DHTKD1: variants seen among roughly 807,000 people sequenced by gnomAD.
DHTKD1 encodes dehydrogenase E1 and transketolase domain containing 1.
Under a neutral mutation model 101.8 loss-of-function variants are expected in DHTKD1, and 78 were observed. That is an observed-to-expected ratio of 0.77 (90% confidence interval 0.64 to 0.93). The LOEUF (loss-of-function observed/expected upper bound fraction) is 0.93. Ranked by LOEUF, DHTKD1 falls within the 40% of genes least tolerant of loss-of-function variation. The pLI is 0.00. For synonymous variants in DHTKD1, 462 were observed against 450.3 expected (o/e 1.03, Z -0.33); for missense variants, 1,223 against 1,161.7 (o/e 1.05, Z -0.77).
At chr10:12,115,585 T>A (rs1226309932) in intron 13 of DHTKD1, among the ~76,000 whole-genome samples, 1 of 152,130 alleles carries the variant, frequency 6.6e-6, no homozygotes, top group Non-Finnish European at 1.5e-5. Context: ...ATTTCAGTAG[T>A]CTTACCAATA....
chr10:12,115,550 T>C (rs577627148), intron 13 of DHTKD1, among the ~76,000 whole-genome samples: 7 of 152,280 alleles, frequency 4.6e-5, no homozygotes, highest in Non-Finnish European at 7.3e-5. Context: ...TGGGAGTCAG[T>C]ATCTAGTCAA....
At chr10:12,077,914 G>A (rs1224706024) in intron 1 of DHTKD1, among the ~76,000 whole-genome samples, 1 of 152,016 alleles carries the variant, frequency 6.6e-6, no homozygotes, top group Non-Finnish European at 1.5e-5. Flanking sequence ...AGGGTTGGTG[G>A]AAGAAGAAAC....
intron 1 of DHTKD1, among the ~76,000 whole-genome samples, chr10:12,074,197 G>GTTTTC (rs1179462787): frequency 1.3e-5 from 2 of 151,928 alleles, no homozygotes; most frequent in African/African-American, 2.4e-5. Flanking sequence ...GTTTTGTTTT[G>GTTTTC]TTTTCTTTGA....
chr10:12,110,283 C>T lies in DHTKD1; in HGVS notation c.2154+2268C>T, dbSNP rs1807812. Among the ~76,000 whole-genome samples, 470 of 152,002 alleles carry T rather than the reference C, an allele frequency of 3.1e-3. 4 individuals carry two copies. The highest frequency in any genetic ancestry group is 0.011 in the African/African-American group (444 of 41,456). ...ATGCACTCCAGCCTGGGTGACAGAG[C>T]GAGACTCTGTCTCCAGAAAAAAGAA... On this transcript the variant is annotated intron_variant, in intron 12 of 16. Transcript: ENST00000263035. The surrounding 1 kb of genome is among the most constrained non-coding windows in gnomAD (Gnocchi z 4.9).
rs769818273 is a variant in DHTKD1, at chr10:12,097,929, G to T, written c.1604G>T (p.Gly535Val). Residue 535 changes from glycine (G) to valine (V), a missense_variant, in exon 8 of 17, where the codon GGC becomes GTC. Coordinates refer to ENST00000263035, the MANE Select transcript of DHTKD1 (RefSeq NM_018706.7). Reference sequence around the variant, plus strand: ...CCCCTCGACCTCCTGCGGTTTGTTGGCATGAAGTCTGTAGAGGTGCCAAGA... The same window carrying T: ...CCCCTCGACCTCCTGCGGTTTGTTGTCATGAAGTCTGTAGAGGTGCCAAGA... ...GVPLDLLRFV[G>V]MKSVEVPREL... 51 of 1,614,214 alleles carry T rather than the reference G, an allele frequency of 3.2e-5. No individual in the cohort carries two copies. In the South Asian group the frequency reaches 4.2e-4, roughly 13 times the overall value.
In DHTKD1 at chr10:12,107,927, T is replaced by C. The variant is rs928284180; in HGVS notation, c.2066T>C (p.Leu689Pro). ...TTTCCAGGAGAGGCCAAGTGGCTCC[T>C]ACAAAGCGGCATCGTCATCCTCCTT... Reference protein sequence around the residue: ...FISGGEAKWLLQSGIVILLPH... With the variant: ...FISGGEAKWLPQSGIVILLPH... The change falls in exon 12 of 17, where the codon CTA becomes CCA. Residue 689 changes from leucine to proline, a missense_variant. By Grantham distance (98) the Leu-to-Pro change is moderately conservative. Coordinates refer to ENST00000263035, the MANE Select transcript of DHTKD1 (RefSeq NM_018706.7). The surrounding 1 kb of genome is among the most constrained non-coding windows in gnomAD (Gnocchi z 4.1). 6.2e-7 allele frequency: 1 copy of C among 1,613,650 alleles called. No individual in the cohort carries two copies. The highest frequency in any genetic ancestry group is 8.5e-7 in the Non-Finnish European group (1 of 1,179,728).
At chr10:12,070,188 G>A (rs978007634) in intron 1 of DHTKD1, among the ~76,000 whole-genome samples, 3 of 152,174 alleles carry the variant, frequency 2.0e-5, no homozygotes, top group African/African-American at 4.8e-5. Context: ...TAACAGTCAT[G>A]AATATCAGCT....
At chr10:12,096,097 T>C (rs1351027240) in intron 7 of DHTKD1, among the ~76,000 whole-genome samples, 1 of 152,196 alleles carries the variant, frequency 6.6e-6, no homozygotes, top group Admixed American at 6.6e-5. Flanking sequence ...AAATTACTCA[T>C]GGCTTGCATT....
At chr10:12,082,370 A>G (rs75955950) in intron 2 of DHTKD1, among the ~76,000 whole-genome samples, 4,126 of 152,226 alleles carry the variant, frequency 0.027, 180 homozygotes, top group African/African-American at 0.093. Flanking sequence ...GGGAACTTAG[A>G]AAAAGTTGGG....
intron 1 of DHTKD1, among the ~76,000 whole-genome samples, chr10:12,079,338 C>T (rs1398466425): frequency 6.6e-6 from 1 of 152,104 alleles, no homozygotes. Context: ...CGGGTTCCTG[C>T]AATGCTGTAG....
chr10:12,100,695 A>G (rs1212528328), intron 9 of DHTKD1, among the ~76,000 whole-genome samples: 1 of 152,082 alleles, frequency 6.6e-6, no homozygotes, highest in Non-Finnish European at 1.5e-5. Context: ...AAAGCATGTT[A>G]ATTTTTCTTT....
chr10:12,100,305 T>A (rs1459397982), intron 9 of DHTKD1, 43 bp downstream of exon 9: 3 of 926,784 alleles, frequency 3.2e-6, no homozygotes, highest in Non-Finnish European at 4.8e-6. Flanking sequence ...TTTTTTTGAG[T>A]CTCACCCTGT....
At chr10:12,097,567 C>T (rs1381638676) in intron 7 of DHTKD1, 117 bp from the exon 8 acceptor site, 2 of 877,424 alleles carry the variant, frequency 2.3e-6, no homozygotes, top group Non-Finnish European at 3.4e-6. Flanking sequence ...AGCCACTGCA[C>T]CTGTCGAATG....
Position 12,087,473 on chromosome 10 carries a change from T to C in DHTKD1, c.523-62T>C. 1 of 1,450,586 alleles carries C rather than the reference T, an allele frequency of 6.9e-7. No homozygotes were observed. Among genetic ancestry groups the C allele is most frequent in the Non-Finnish European group, 9.4e-7 (1 of 1,065,530 alleles). The allele number at this position is 1,450,586 out of a possible 1,614,324, so 89.9% of individuals were successfully genotyped here. ...ATCTCACAACACACACAGACTTATC[T>C]GCCTTCCACTGGAGAAGCTGGCTGT... is the stretch of plus-strand genomic sequence containing the variant. On this transcript the variant is annotated intron_variant, in intron 3 of 16. Transcript: ENST00000263035. The surrounding 1 kb of genome is among the most constrained non-coding windows in gnomAD (Gnocchi z 5.2).
rs180968859 is a variant in DHTKD1, at chr10:12,117,605, G to C, written c.2320-68G>C. Reference sequence around the variant, plus strand: ...ACTTTGGTACTCGTGTTTGATAGCGGCCCTTGTAAGTGACAGCATCACCTC... The same window carrying C: ...ACTTTGGTACTCGTGTTTGATAGCGCCCCTTGTAAGTGACAGCATCACCTC... On this transcript the variant is annotated intron_variant, in intron 13 of 16. Transcript: ENST00000263035. 79 of 908,982 alleles carry C rather than the reference G, an allele frequency of 8.7e-5. No homozygotes were observed. In the African/African-American group the frequency reaches 1.2e-3, roughly 14 times the overall value. The allele number at this position is 908,982 out of a possible 1,614,324, so 56.3% of individuals were successfully genotyped here. A position where few individuals can be genotyped will look rare whatever the true frequency, so the allele number is the denominator to read the frequency against.
At position 12,121,945 on chromosome 10, in the gene DHTKD1, C is replaced by T. The variant is rs1445954438; in HGVS notation, c.*1057C>T. On this transcript the variant is annotated 3_prime_UTR_variant, in exon 17 of 17. Transcript: ENST00000263035. ...GCCTCTTGATTTGTTTGATGCATGT[C>T]ACTTTCATTAATTTTCCCCCTCCTT... is the stretch of plus-strand genomic sequence containing the variant. The T allele has an allele frequency of 2.6e-5, 4 of 152,140 alleles. No homozygotes were observed. The highest frequency in any genetic ancestry group is 2.6e-4 in the Admixed American group (4 of 15,258). The allele number at this position is 152,140 out of a possible 1,614,324, so 9.4% of individuals were successfully genotyped here. A position where few individuals can be genotyped will look rare whatever the true frequency, so the allele number is the denominator to read the frequency against.
intron 2 of DHTKD1, among the ~76,000 whole-genome samples, chr10:12,082,764 A>G (rs1466183295): frequency 1.3e-5 from 2 of 152,116 alleles, no homozygotes; most frequent in Non-Finnish European, 2.9e-5. Context: ...TATAGTGGTG[A>G]TGCATCTTAA....
At position 12,069,159 on chromosome 10, in the gene DHTKD1, G is replaced by T; in HGVS notation, c.126G>T (p.Glu42Asp). ...GGCCGAGGAAGCCCGAGAGCCGCGA[G>T]CCCCAGGGCGCCCTGGAGCGCCCCC... ...GYRPRKPESR[E>D]PQGALERPPV... The change falls in exon 1 of 17, where the codon GAG (glutamate) becomes GAT (aspartate). Residue 42 changes from glutamate (E) to aspartate (D), a missense_variant. Physicochemically the swap from Glu to Asp is conservative, Grantham distance 45. Transcript: ENST00000263035. The T allele has an allele frequency of 6.4e-7, 1 of 1,564,788 alleles. No individual in the cohort carries two copies.
intron 7 of DHTKD1, among the ~76,000 whole-genome samples, chr10:12,095,595 C>T (rs1193772098): frequency 3.3e-5 from 5 of 151,868 alleles, no homozygotes; most frequent in South Asian, 2.1e-4. Context: ...GGGCGGATCA[C>T]GAGGTCAGGA....
Sources: gnomAD v4.1 joint callset for allele counts (sites outside exome capture counted in the v4.1 genomes callset) on GRCh38, gnomAD v4.1.1 for gene constraint, Gnocchi (gnomAD v3.1) non-coding constraint, MANE v1.5 for transcripts, NCBI Gene and HGNC (gene_info 2026-07-23, HGNC 2026-07-21) for gene names.